NDUFA2: variants seen among roughly 807,000 people sequenced by gnomAD.
NDUFA2 encodes NADH dehydrogenase [ubiquinone] 1 alpha subcomplex subunit 2.
Under a neutral mutation model 11.4 loss-of-function variants are expected in NDUFA2, and 9 were observed. That is an observed-to-expected ratio of 0.79 (90% CI 0.48 to 1.38). The LOEUF (loss-of-function observed/expected upper bound fraction) is 1.38, where lower values mean the gene tolerates loss of function less well. Among genes scored for constraint, NDUFA2 ranks in the 40% most tolerant of loss-of-function variants. The probability of loss-of-function intolerance (pLI) is 0.00; values close to 1 mark genes in which losing one functional copy is unlikely to be tolerated. For missense variants in NDUFA2, 150 were observed against 131.2 expected (o/e 1.14, Z -0.70); for synonymous variants, 49 against 54.0 (o/e 0.91, Z 0.41).
intron 2 of NDUFA2, chr5:140,647,048 G>A: frequency 1.8e-6 from 1 of 566,812 alleles, no homozygotes; most frequent in African/African-American, 1.9e-5. Context: ...GCAGGATTCG[G>A]TCAGCCTGCA....
In NDUFA2 at chr5:140,645,513, AT is replaced by A. The variant is rs754151476; in HGVS notation, c.*73del. 3.8e-6 allele frequency: 6 copies of A among 1,579,126 alleles called. No individual in the cohort carries two copies. The Admixed American group carries it at 5.1e-5, about 13-fold the overall frequency. ...AGCTTTATGAGGAATAGGAGAACAC[AT>A]TTTTTTCACATTATACTAAGTCCAG... is the stretch of plus-strand genomic sequence containing the variant. On this transcript the variant is annotated 3_prime_UTR_variant, in exon 3 of 3. Coordinates refer to ENST00000252102, the MANE Select transcript of NDUFA2 (RefSeq NM_002488.5).
intron 2 of NDUFA2, among the ~76,000 whole-genome samples, chr5:140,646,159 C>T (rs1237211450): frequency 2.0e-5 from 3 of 151,966 alleles, no homozygotes; most frequent in African/African-American, 4.8e-5. Context: ...TACAGGTGCC[C>T]GCCACCACAC....
chr5:140,645,647 G>T lies in NDUFA2; in HGVS notation c.240C>A (p.Asn80Lys). The change falls in exon 3 of 3, where the codon AAC becomes AAA. Residue 80 changes from asparagine to lysine, a missense_variant. By Grantham distance (94) the Asn-to-Lys change is moderately conservative. Coordinates refer to ENST00000252102, the MANE Select transcript of NDUFA2 (RefSeq NM_002488.5). ...AFGQETNVPL[N>K]NFSADQVTRA... ...TGGTTACCTGATCAGCACTGAAGTT[G>T]TTCAAAGGGACATTCGTCTCTTGGC... 1 of 1,614,182 alleles carries T rather than the reference G, an allele frequency of 6.2e-7. No homozygotes were observed. Among genetic ancestry groups the T allele is most frequent in the Non-Finnish European group, 8.5e-7 (1 of 1,180,030 alleles).
At position 140,645,667 on chromosome 5, in the gene NDUFA2, C is replaced by A; in HGVS notation, c.220G>T (p.Glu74Ter). ...KLWARYAFGQ[E>*]TNVPLNNFSA... ...AAGTTGTTCAAAGGGACATTCGTCT[C>A]TTGGCCAAATGCTGAAGAGAGAGAG... The change falls in exon 3 of 3, where the codon GAG becomes TAG. Residue 74 changes from glutamate (E) to a stop codon, truncating the protein, a stop_gained. Transcript: ENST00000252102. LOFTEE classifies it high-confidence loss of function. 1 of 1,614,186 alleles carries A rather than the reference C, an allele frequency of 6.2e-7. No individual in the cohort carries two copies. The highest frequency in any genetic ancestry group is 8.5e-7 in the Non-Finnish European group (1 of 1,180,028).
intron 2 of NDUFA2, among the ~76,000 whole-genome samples, chr5:140,646,167 C>T (rs2563331): frequency 0.2 from 29,994 of 151,858 alleles, 2,965 homozygotes; most frequent in Non-Finnish European, 0.2. Context: ...CCCGCCACCA[C>T]ACCCGGCTAA....
In NDUFA2 at chr5:140,647,498, C is replaced by G; in HGVS notation, c.86G>C (p.Gly29Ala). The G allele has an allele frequency of 6.2e-7, 1 of 1,612,506 alleles. No individual in the cohort carries two copies. The highest frequency in any genetic ancestry group is 8.5e-7 in the Non-Finnish European group (1 of 1,179,970). The change falls in exon 1 of 3, where the codon GGC (glycine) becomes GCC (alanine). Residue 29 changes from glycine (G) to alanine (A), a missense_variant. By Grantham distance (60) the Gly-to-Ala change is moderately conservative. Coordinates refer to ENST00000252102, the MANE Select transcript of NDUFA2 (RefSeq NM_002488.5). ...IRIHLCQRSP[G>A]SQGVRDFIEK... ...CGCGCCTCACCTGACGCCCTGGCTG[C>G]CGGGCGAGCGCTGACATAAGTGGAT... is the stretch of plus-strand genomic sequence containing the variant.
intron 2 of NDUFA2, 67 bp downstream of exon 2, chr5:140,647,189 G>A (rs530544168): frequency 2.0e-6 from 3 of 1,476,390 alleles, no homozygotes; most frequent in Non-Finnish European, 2.7e-6. Flanking sequence ...GACCTTGGGC[G>A]GTCCCTTCTC....
intron 2 of NDUFA2, among the ~76,000 whole-genome samples, chr5:140,646,136 G>A (rs1310011910): frequency 6.6e-6 from 1 of 151,426 alleles, no homozygotes; most frequent in African/African-American, 2.4e-5. Context: ...TCAGCCTCCT[G>A]AGTAGCTGGG....
intron 2 of NDUFA2, among the ~76,000 whole-genome samples, chr5:140,645,992 G>A (rs1390743433): frequency 6.6e-6 from 1 of 150,658 alleles, no homozygotes; most frequent in Admixed American, 6.7e-5. Flanking sequence ...AGCCTCAGCT[G>A]GGAGCCCATT....
At chr5:140,646,074 G>A (rs1326686120) in intron 2 of NDUFA2, among the ~76,000 whole-genome samples, 8 of 147,818 alleles carry the variant, frequency 5.4e-5, no homozygotes, top group Admixed American at 3.4e-4. Context: ...GTGGTGGCAC[G>A]ATCTCCACTC....
At position 140,645,484 on chromosome 5, in the gene NDUFA2, C is replaced by T; in HGVS notation, c.*103G>A. The T allele has an allele frequency of 6.9e-7, 1 of 1,459,396 alleles. No individual in the cohort carries two copies. The highest frequency in any genetic ancestry group is 1.2e-5 in the South Asian group (1 of 85,176). The allele number at this position is 1,459,396 out of a possible 1,614,324, so 90.4% of individuals were successfully genotyped here. On this transcript the variant is annotated 3_prime_UTR_variant, in exon 3 of 3. Transcript: ENST00000252102. ...AACACCCTGAGAAAGTATTTTACAG[C>T]ACAAGCTTTATGAGGAATAGGAGAA...
chr5:140,647,088 A>T, intron 2 of NDUFA2, 168 bp downstream of exon 2: 2 of 778,276 alleles, frequency 2.6e-6, no homozygotes, highest in Non-Finnish European at 3.9e-6. Flanking sequence ...ACAACGCATC[A>T]TATAACCCTG....
intron 2 of NDUFA2, chr5:140,647,018 C>T: frequency 2.1e-6 from 1 of 471,126 alleles, no homozygotes; most frequent in Non-Finnish European, 3.7e-6. Context: ...ACTACAAAAA[C>T]GTCAGCTCCT....
intron 2 of NDUFA2, 129 bp from the exon 3 acceptor site, chr5:140,645,807 T>C (rs1757358980): frequency 1.4e-6 from 2 of 1,450,856 alleles, no homozygotes; most frequent in Non-Finnish European, 1.9e-6. Flanking sequence ...ATGATCAAAA[T>C]ACATTTGGTA....
chr5:140,647,587 T>C lies in NDUFA2; in HGVS notation c.-4A>G. 1 of 1,609,368 alleles carries C rather than the reference T, an allele frequency of 6.2e-7. No individual in the cohort carries two copies. The highest frequency in any genetic ancestry group is 8.5e-7 in the Non-Finnish European group (1 of 1,179,814). On this transcript the variant is annotated 5_prime_UTR_variant, in exon 1 of 3. Transcript: ENST00000252102. ...GACTTGCTGCGGCCGCCGCCATCCT[T>C]GTTAATATCGAAGTCGCCAATTCCA...
intron 1 of NDUFA2, 22 bp downstream of exon 1, chr5:140,647,461 G>C (rs754394533): frequency 1.3e-5 from 21 of 1,610,514 alleles, no homozygotes; most frequent in Non-Finnish European, 1.8e-5. Context: ...AAGCCCGCCC[G>C]CCTCACCACG....
chr5:140,647,223 C>A (rs761986855), intron 2 of NDUFA2, 33 bp downstream of exon 2: 2 of 1,522,006 alleles, frequency 1.3e-6, no homozygotes, highest in Non-Finnish European at 1.8e-6. Flanking sequence ...GTTCCCCTAC[C>A]GGAGCCCCAG....
At position 140,645,365 on chromosome 5, in the gene NDUFA2, G is replaced by A; in HGVS notation, c.*222C>T. On this transcript the variant is annotated 3_prime_UTR_variant, in exon 3 of 3. Transcript: ENST00000252102. ...TTCATGTTTGCTTCAGCAGCTGGTA[G>A]CTTTTGATGAGACAGAATAAAGTTT... is the stretch of plus-strand genomic sequence containing the variant. 1.3e-6 allele frequency: 1 copy of A among 772,042 alleles called. No homozygotes were observed. Among genetic ancestry groups the A allele is most frequent in the Non-Finnish European group, 2.2e-6 (1 of 452,258 alleles). The allele number at this position is 772,042 out of a possible 1,614,324, so 47.8% of individuals were successfully genotyped here. A position where few individuals can be genotyped will look rare whatever the true frequency, so the allele number is the denominator to read the frequency against.
At chr5:140,647,064 A>G (rs2149802632) in intron 2 of NDUFA2, 192 bp downstream of exon 2, 2 of 648,184 alleles carry the variant, frequency 3.1e-6, no homozygotes, top group Middle Eastern at 4.2e-4. Context: ...CTGCATACTT[A>G]TGTTGCCCGG....
Sources: gnomAD v4.1 joint callset for allele counts (sites outside exome capture counted in the v4.1 genomes callset) on GRCh38, gnomAD v4.1.1 for gene constraint, MANE v1.5 for transcripts, NCBI Gene and HGNC (gene_info 2026-07-23, HGNC 2026-07-21) for gene names.